Variants in CDH18 observed in about 807,000 individuals in gnomAD.
CDH18 encodes the protein cadherin 18, also known as cadherin-18.
CDH18 carries 31 observed loss-of-function variants against 67.9 expected under a neutral mutation model. The observed-to-expected ratio is 0.46, with a 90% CI of 0.34 to 0.62. The LOEUF is 0.62. Among genes scored for constraint, CDH18 ranks in the 20% least tolerant of loss-of-function variants. CDH18 has a pLI of 0.01. For synonymous variants in CDH18, 362 were observed against 347.2 expected (o/e 1.04, Z -0.48); for missense variants, 890 against 975.5 (o/e 0.91, Z 1.17).
chr5:20,242,611 A>AAATATATATATATATATATATATGTATAT (rs1554106655), intron 2 of CDH18, among the ~76,000 whole-genome samples: 1 of 39,486 alleles, frequency 2.5e-5, no homozygotes, highest in Non-Finnish European at 4.6e-5. Context: ...AAAAAAAAAA[A>AAATATATATATATATATATATATGTATAT]ATATATATAT....
chr5:20,278,296 C>G (rs754205442), intron 1 of CDH18, among the ~76,000 whole-genome samples: 3 of 151,924 alleles, frequency 2.0e-5, no homozygotes, highest in African/African-American at 7.3e-5. Context: ...GGATGGATCT[C>G]CAACACACTT....
At chr5:20,196,256 T>C (rs895961939) in intron 2 of CDH18, among the ~76,000 whole-genome samples, 2 of 151,678 alleles carry the variant, frequency 1.3e-5, no homozygotes, top group African/African-American at 2.4e-5. Flanking sequence ...TTATAGTGTT[T>C]ACTAATTTGA....
At chr5:19,984,779 C>T (rs185358251) in intron 1 of CDH18, among the ~76,000 whole-genome samples, 43 of 152,302 alleles carry the variant, frequency 2.8e-4, no homozygotes, top group Admixed American at 1.4e-3. Context: ...TGTCAGTATG[C>T]ACCCTCTGCC....
At chr5:19,709,004 TTAAA>T (rs1458426187) in intron 5 of CDH18, among the ~76,000 whole-genome samples, 1,545 of 149,146 alleles carry the variant, frequency 0.01, 31 homozygotes, top group African/African-American at 0.036. Flanking sequence ...CTAGACTCTG[TTAAA>T]TAAATAAATA....
intron 2 of CDH18, among the ~76,000 whole-genome samples, chr5:19,850,676 G>A (rs979812935): frequency 3.3e-5 from 5 of 151,808 alleles, no homozygotes; most frequent in African/African-American, 9.7e-5. Flanking sequence ...GAGGACCTTA[G>A]TCATCTATTT....
intron 5 of CDH18, among the ~76,000 whole-genome samples, chr5:19,648,152 G>A (rs1413301353): frequency 3.3e-5 from 5 of 152,062 alleles, no homozygotes; most frequent in Non-Finnish European, 7.4e-5. Flanking sequence ...CAATGGCTCA[G>A]ACCTGTAATC....
rs1019753028 is a variant in CDH18 at position 20,327,366 on chromosome 5, T to C, written c.-579-71861A>G. ...AAATGACAGTGCCTAATTGACTTTT[T>C]CGTCTGCTTCCTCTTTCACTTCTAA... On this transcript the variant is annotated intron_variant, in intron 1 of 14. Coordinates refer to the CDH18 transcript ENST00000507958. 7.2e-5 allele frequency among the ~76,000 whole-genome samples: 11 copies of C among 152,244 alleles called. 1 individual carries two copies. The highest frequency in any genetic ancestry group is 5.9e-4 in the Admixed American group (9 of 15,284).
chr5:19,706,733 A>T (rs1296890466), intron 5 of CDH18, among the ~76,000 whole-genome samples: 1 of 152,204 alleles, frequency 6.6e-6, no homozygotes, highest in African/African-American at 2.4e-5. Flanking sequence ...CTACATTTTT[A>T]TCTATATGGA....
intron 1 of CDH18, among the ~76,000 whole-genome samples, chr5:20,566,028 T>C (rs1239743426): frequency 6.6e-6 from 1 of 152,120 alleles, no homozygotes; most frequent in Admixed American, 6.6e-5. Flanking sequence ...ATCTTGCAAA[T>C]ATTTTGAAGT....
chr5:20,428,392 G>A (rs575206579), intron 1 of CDH18, among the ~76,000 whole-genome samples: 1 of 152,272 alleles, frequency 6.6e-6, no homozygotes, highest in East Asian at 1.9e-4. Context: ...TGTAAATAGT[G>A]CTGAGTAAAC....
intron 1 of CDH18, among the ~76,000 whole-genome samples, chr5:20,444,283 T>G (rs1749840523): frequency 6.6e-6 from 1 of 152,230 alleles, no homozygotes; most frequent in Non-Finnish European, 1.5e-5. Context: ...ATGAATTACT[T>G]TAGCTGTTTA....
chr5:19,666,248 T>G (rs1757918287), intron 5 of CDH18, among the ~76,000 whole-genome samples: 1 of 137,956 alleles, frequency 7.2e-6, no homozygotes, highest in African/African-American at 2.7e-5. Context: ...TTATTATTAT[T>G]ATTATTATTA....
intron 2 of CDH18, among the ~76,000 whole-genome samples, chr5:19,960,705 ATATATG>A (rs1164745802): frequency 0.036 from 4,675 of 128,140 alleles, 674 homozygotes; most frequent in African/African-American, 0.16. Context: ...GTATATATGT[ATATATG>A]TATACACGTG....
chr5:20,007,869 A>G (rs1411121383), intron 2 of CDH18, among the ~76,000 whole-genome samples: 2 of 152,122 alleles, frequency 1.3e-5, no homozygotes, highest in African/African-American at 2.4e-5. Flanking sequence ...ATAAAGATTT[A>G]CTGGAACACA....
At chr5:20,217,138 TAAAG>T (rs1740846264) in intron 2 of CDH18, among the ~76,000 whole-genome samples, 1 of 151,832 alleles carries the variant, frequency 6.6e-6, no homozygotes, top group Non-Finnish European at 1.5e-5. Flanking sequence ...CAGAAAATGC[TAAAG>T]AGAGTTCTTC....
chr5:19,814,486 T>C (rs1235643234), intron 3 of CDH18, among the ~76,000 whole-genome samples: 2 of 137,278 alleles, frequency 1.5e-5, no homozygotes, highest in Non-Finnish European at 3.2e-5. Context: ...CTGGTTGTTC[T>C]ATGTGTTATA....
intron 2 of CDH18, among the ~76,000 whole-genome samples, chr5:19,969,681 C>G (rs1797831513): frequency 7.5e-6 from 1 of 134,138 alleles, no homozygotes; most frequent in African/African-American, 2.9e-5. Flanking sequence ...ACATCACACT[C>G]TGGGGACTGT....
chr5:19,730,556 T>C (rs1343496010), intron 4 of CDH18, among the ~76,000 whole-genome samples: 1 of 152,222 alleles, frequency 6.6e-6, no homozygotes, highest in East Asian at 1.9e-4. Flanking sequence ...CATTTAAATT[T>C]CATATGCATC....
At chr5:19,919,672 A>G (rs568326425) in intron 2 of CDH18, among the ~76,000 whole-genome samples, 31 of 152,330 alleles carry the variant, frequency 2.0e-4, no homozygotes, top group Non-Finnish European at 3.1e-4. Flanking sequence ...CACTTATACT[A>G]TTTAATATTT....
Sources: gnomAD v4.1 joint callset for allele counts (sites outside exome capture counted in the v4.1 genomes callset) on GRCh38, gnomAD v4.1.1 for gene constraint, MANE v1.5 for transcripts, NCBI Gene and HGNC (gene_info 2026-07-23, HGNC 2026-07-21) for gene names.